The following RIT2 variants were observed in gnomAD, a reference collection of about 807,000 sequenced individuals.
The protein encoded by RIT2 is Ras like without CAAX 2.
In RIT2, 24 loss-of-function variants were observed where a neutral mutation model predicts 23.7. The ratio of observed to expected loss-of-function variants is 1.01; its 90% CI spans 0.73 to 1.43. The LOEUF (loss-of-function observed/expected upper bound fraction) is 1.43, where lower values mean the gene tolerates loss of function less well. Among genes scored for constraint, RIT2 ranks in the 40% most tolerant of loss-of-function variants. The pLI, the probability that RIT2 is intolerant of heterozygous loss-of-function variation, is 0.00. For missense variants in RIT2, 236 were observed against 266.9 expected (o/e 0.88, Z 0.81); for synonymous variants, 107 against 91.1 (o/e 1.17, Z -0.99).
chr18:43,002,795 C>T (rs77484556), intron 2 of RIT2, among the ~76,000 whole-genome samples: 7,874 of 151,998 alleles, frequency 0.052, 423 homozygotes, highest in East Asian at 0.25. Flanking sequence ...CATTACATTA[C>T]ATTGCAAGGG....
In RIT2 at chr18:43,108,037, G is replaced by T. The variant is rs1273377884; in HGVS notation, c.103+7380C>A. Among the ~76,000 whole-genome samples the T allele has an allele frequency of 2.0e-5, 3 of 151,222 alleles. No homozygotes were observed. The East Asian group carries it at 5.9e-4, about 30-fold the overall frequency. On this transcript the variant is annotated intron_variant, in intron 1 of 4. Transcript: ENST00000326695. ...AAAAAAAAAAAAATTAACCGGGCAT[G>T]GTGGCGGGTGACTGTAGTCCCAGTT...
At chr18:43,030,335 G>A (rs551679339) in intron 2 of RIT2, among the ~76,000 whole-genome samples, 1 of 152,098 alleles carries the variant, frequency 6.6e-6, no homozygotes, top group East Asian at 1.9e-4. Context: ...AAAAAATGAA[G>A]AGCATTCTGG....
intron 4 of RIT2, among the ~76,000 whole-genome samples, chr18:42,773,677 C>T (rs1385867767): frequency 1.3e-5 from 2 of 152,024 alleles, no homozygotes; most frequent in Non-Finnish European, 1.5e-5. Flanking sequence ...ATTTAATATA[C>T]AATAGCAATT....
At chr18:42,889,818 G>T (rs1477049400) in intron 4 of RIT2, among the ~76,000 whole-genome samples, 1 of 152,034 alleles carries the variant, frequency 6.6e-6, no homozygotes. Context: ...TCAGAGAAAT[G>T]CAGAAAGAAC....
intron 4 of RIT2, among the ~76,000 whole-genome samples, chr18:42,800,773 C>T (rs996001854): frequency 3.3e-5 from 5 of 152,128 alleles, no homozygotes; most frequent in African/African-American, 9.6e-5. Flanking sequence ...CCTCGTGATC[C>T]GCCCGCCTCG....
chr18:42,969,583 C>T (rs1164023693), intron 3 of RIT2, among the ~76,000 whole-genome samples: 1 of 151,734 alleles, frequency 6.6e-6, no homozygotes, highest in East Asian at 1.9e-4. Flanking sequence ...ACAACTGTTT[C>T]CCATTGTTCC....
At chr18:42,888,341 G>T (rs545543666) in intron 4 of RIT2, among the ~76,000 whole-genome samples, 78 of 151,892 alleles carry the variant, frequency 5.1e-4, no homozygotes, top group South Asian at 2.5e-3. Flanking sequence ...TGTTTGTTTG[G>T]TTGGTTGGTT....
At chr18:43,096,604 C>G (rs1205309131) in intron 1 of RIT2, among the ~76,000 whole-genome samples, 1 of 151,816 alleles carries the variant, frequency 6.6e-6, no homozygotes, top group African/African-American at 2.4e-5. Context: ...TCTCTTTTAT[C>G]AGCCTACAAT....
chr18:42,866,810 G>A (rs536975506), intron 4 of RIT2, among the ~76,000 whole-genome samples: 2 of 151,950 alleles, frequency 1.3e-5, no homozygotes, highest in South Asian at 4.2e-4. Flanking sequence ...ATATTTAAAT[G>A]GCTCTTTTTT....
At chr18:42,977,470 G>C (rs1910500977) in intron 2 of RIT2, among the ~76,000 whole-genome samples, 6 of 152,020 alleles carry the variant, frequency 3.9e-5, no homozygotes, top group Admixed American at 3.9e-4. Context: ...TGAGCCACAA[G>C]TAAACAAATG....
chr18:43,086,257 G>A (rs1598777462), intron 1 of RIT2, among the ~76,000 whole-genome samples: 1 of 152,092 alleles, frequency 6.6e-6, no homozygotes, highest in South Asian at 2.1e-4. Context: ...TAGATTTTTG[G>A]ATTAGGGGTA....
chr18:43,035,535 A>C (rs1196833394), intron 1 of RIT2, among the ~76,000 whole-genome samples: 1 of 152,058 alleles, frequency 6.6e-6, no homozygotes, highest in African/African-American at 2.4e-5. Context: ...AAACTTTCGT[A>C]CTTCCATATT....
chr18:42,770,618 A>G (rs886401109), intron 4 of RIT2, among the ~76,000 whole-genome samples: 1 of 152,236 alleles, frequency 6.6e-6, no homozygotes, highest in Admixed American at 6.5e-5. Context: ...AACAAAAAGG[A>G]CACAATTAAT....
intron 3 of RIT2, among the ~76,000 whole-genome samples, chr18:42,973,035 T>A (rs964193919): frequency 6.6e-6 from 1 of 151,842 alleles, no homozygotes; most frequent in Admixed American, 6.6e-5. Context: ...AATTTAATAA[T>A]ACTTTTGCAT....
chr18:42,746,164 C>T (rs569808883), intron 4 of RIT2, among the ~76,000 whole-genome samples: 4 of 152,132 alleles, frequency 2.6e-5, no homozygotes, highest in African/African-American at 9.6e-5. Flanking sequence ...GCACAGGAGG[C>T]AGGAATTATT....
At chr18:42,807,073 T>C (rs1267756472) in intron 4 of RIT2, among the ~76,000 whole-genome samples, 1 of 152,240 alleles carries the variant, frequency 6.6e-6, no homozygotes, top group African/African-American at 2.4e-5. Context: ...TTCTTTCTTG[T>C]CTGGACTTCA....
At chr18:42,827,832 C>G (rs1007115335) in intron 4 of RIT2, among the ~76,000 whole-genome samples, 13 of 151,440 alleles carry the variant, frequency 8.6e-5, no homozygotes, top group Non-Finnish European at 1.9e-4. Flanking sequence ...GGTGAAACCC[C>G]GTCTCTACTA....
At chr18:42,960,148 C>A (rs1278290278) in intron 3 of RIT2, among the ~76,000 whole-genome samples, 1 of 152,116 alleles carries the variant, frequency 6.6e-6, no homozygotes, top group African/African-American at 2.4e-5. Flanking sequence ...CTACTTTTCT[C>A]GGCATCATCT....
intron 2 of RIT2, among the ~76,000 whole-genome samples, chr18:43,029,977 T>G (rs1029464593): frequency 5.9e-5 from 9 of 152,026 alleles, no homozygotes; most frequent in African/African-American, 2.2e-4. Context: ...TAGCAATATT[T>G]AAAAATGATT....
Sources: allele counts gnomAD v4.1 joint callset (sites outside exome capture counted in the v4.1 genomes callset), GRCh38; gene constraint gnomAD v4.1.1; transcripts MANE v1.5; gene names NCBI Gene and HGNC (gene_info 2026-07-23, HGNC 2026-07-21).